Variants in CSMD1 observed in about 807,000 individuals in gnomAD.
CSMD1 encodes the protein CUB and Sushi multiple domains 1, also known as CUB and sushi domain-containing protein 1.
A neutral mutation model predicts 417.5 loss-of-function variants in CSMD1; 213 were observed. That is an observed-to-expected ratio of 0.51 (90% confidence interval 0.46 to 0.57). CSMD1 has a LOEUF of 0.57. CSMD1 is among the 20% of genes least tolerant of loss of function. The pLI, the probability that CSMD1 is intolerant of heterozygous loss-of-function variation, is 0.00. For synonymous variants in CSMD1, 2,862 were observed against 1,736.8 expected, an observed-to-expected ratio of 1.65 and a Z score of -16.11; for missense variants, 6,923 against 4,529.7, an observed-to-expected ratio of 1.53 and a Z score of -15.17.
intron 1 of CSMD1, among the ~76,000 whole-genome samples, chr8:4,883,791 G>A (rs1225397829): frequency 2.0e-5 from 3 of 151,896 alleles, no homozygotes; most frequent in African/African-American, 4.8e-5. Flanking sequence ...GAACATTCAT[G>A]TACACAAAAA....
chr8:4,821,310 T>C (rs1422357226), intron 1 of CSMD1, among the ~76,000 whole-genome samples: 2 of 152,180 alleles, frequency 1.3e-5, no homozygotes, highest in Non-Finnish European at 1.5e-5. Context: ...TATAATCCAA[T>C]CCATTTAAGA....
chr8:4,536,692 A>C (rs557527715), intron 2 of CSMD1, among the ~76,000 whole-genome samples: 1 of 152,298 alleles, frequency 6.6e-6, no homozygotes, highest in East Asian at 1.9e-4. Flanking sequence ...ATTTGTACTA[A>C]TGCCAGAATA....
intron 46 of CSMD1, among the ~76,000 whole-genome samples, chr8:3,100,143 C>T (rs1437412365): frequency 1.3e-5 from 2 of 152,130 alleles, no homozygotes; most frequent in South Asian, 4.1e-4. Flanking sequence ...CCTTGACCTC[C>T]CAGGCTCAAA....
rs796339406 is a variant in CSMD1, at chr8:2,954,315, T to C, written c.9995-47A>G. On this transcript the variant is annotated intron_variant, in intron 64 of 69. Coordinates refer to ENST00000635120, the MANE Select transcript of CSMD1 (RefSeq NM_033225.6). ...ATCATTTTAAAAAAAACATTTATTTTTGAGTAAGTTTGAAAAAATGTCAAA... is the reference window on the plus strand; with the variant it reads ...ATCATTTTAAAAAAAACATTTATTTCTGAGTAAGTTTGAAAAAATGTCAAA... 2.9e-5 allele frequency: 34 copies of C among 1,177,252 alleles called. No homozygotes were observed. In the African/African-American group the frequency reaches 4.4e-4, roughly 15 times the overall value. 72.9% of individuals were successfully genotyped at this position (1,177,252 alleles called of 1,614,324 possible).
At chr8:4,022,612 C>A (rs549112860) in intron 4 of CSMD1, among the ~76,000 whole-genome samples, 13 of 152,134 alleles carry the variant, frequency 8.5e-5, no homozygotes, top group African/African-American at 3.1e-4. Flanking sequence ...TGCTTTGCGA[C>A]AGTCCTAGAA....
chr8:3,275,507 A>T (rs1184364434), intron 26 of CSMD1, among the ~76,000 whole-genome samples: 18 of 152,148 alleles, frequency 1.2e-4, no homozygotes, highest in Non-Finnish European at 2.2e-4. Context: ...TCTCCTGGAT[A>T]ATATCCTGCA....
chr8:3,282,276 G>T (rs1170234781), intron 26 of CSMD1, among the ~76,000 whole-genome samples: 1 of 152,162 alleles, frequency 6.6e-6, no homozygotes, highest in African/African-American at 2.4e-5. Context: ...CTGTGGGGAT[G>T]TTGACAGGGA....
intron 1 of CSMD1, among the ~76,000 whole-genome samples, chr8:4,919,655 A>C (rs946298322): frequency 2.0e-5 from 3 of 152,208 alleles, no homozygotes; most frequent in African/African-American, 7.2e-5. Flanking sequence ...ACTCCAGTAC[A>C]TTGTACTACT....
At chr8:4,117,247 C>T (rs1802207476) in intron 3 of CSMD1, among the ~76,000 whole-genome samples, 1 of 151,726 alleles carries the variant, frequency 6.6e-6, no homozygotes, top group Non-Finnish European at 1.5e-5. Flanking sequence ...GTCTGCTTTC[C>T]TCTCATCTAT....
chr8:4,900,689 G>T (rs917848910), intron 1 of CSMD1, among the ~76,000 whole-genome samples: 3 of 152,162 alleles, frequency 2.0e-5, no homozygotes, highest in Admixed American at 6.5e-5. Context: ...TGCAAATGTT[G>T]CTGGGGGCTT....
chr8:3,776,000 C>G (rs1798867621), intron 5 of CSMD1, among the ~76,000 whole-genome samples: 1 of 152,180 alleles, frequency 6.6e-6, no homozygotes, highest in African/African-American at 2.4e-5. Context: ...AGCTTCAGAC[C>G]CTGATCCAAA....
At chr8:3,814,839 C>G (rs76343814) in intron 5 of CSMD1, among the ~76,000 whole-genome samples, 1 of 152,074 alleles carries the variant, frequency 6.6e-6, no homozygotes, top group Non-Finnish European at 1.5e-5. Context: ...CATGAAGAAG[C>G]GGACTCCTTC....
chr8:4,671,013 A>G (rs1805286891), intron 1 of CSMD1, among the ~76,000 whole-genome samples: 1 of 152,218 alleles, frequency 6.6e-6, no homozygotes, highest in Non-Finnish European at 1.5e-5. Flanking sequence ...GCTTGCCTAC[A>G]TTGGCTGCTG....
At position 4,994,433 on chromosome 8, in the gene CSMD1, C is replaced by T. The variant is rs1479177888; in HGVS notation, c.-17G>A. 6.2e-6 allele frequency: 10 copies of T among 1,606,856 alleles called. No homozygotes were observed. The highest frequency in any genetic ancestry group is 1.3e-5 in the African/African-American group (1 of 74,834). ...CGCAGTCATGTCTGCAGATACTCCA[C>T]ACGCACGCGACACCGATGGCTCCTC... On this transcript the variant is annotated 5_prime_UTR_variant, in exon 1 of 70. The change creates a new upstream start codon in the 5' untranslated region. Coordinates refer to ENST00000635120, the MANE Select transcript of CSMD1 (RefSeq NM_033225.6).
chr8:3,970,745 GT>G lies in CSMD1; in HGVS notation c.818+27157del, dbSNP rs531912222. ...TGCTTAACAGGTGGCATGGCATCTT[GT>G]TTTTTGTTTTTTTGTTTTTGTTTTT... On this transcript the variant is annotated intron_variant, in intron 5 of 69. Coordinates refer to ENST00000635120, the MANE Select transcript of CSMD1 (RefSeq NM_033225.6). Among the ~76,000 whole-genome samples the G allele has an allele frequency of 2.4e-4, 36 of 152,040 alleles. No individual in the cohort carries two copies. The South Asian group carries it at 7.3e-3, about 31-fold the overall frequency.
At chr8:2,994,560 T>C (rs1806707931) in intron 54 of CSMD1, among the ~76,000 whole-genome samples, 1 of 152,194 alleles carries the variant, frequency 6.6e-6, no homozygotes, top group African/African-American at 2.4e-5. Flanking sequence ...CGGATGCTTT[T>C]TGACTAAAAG....
chr8:4,031,898 A>G lies in CSMD1; in HGVS notation c.610+7T>C, dbSNP rs763741616. 2.5e-6 allele frequency: 4 copies of G among 1,610,762 alleles called. No individual in the cohort carries two copies. The highest frequency in any genetic ancestry group is 3.4e-6 in the Non-Finnish European group (4 of 1,178,050). On this transcript the variant is annotated splice_region_variant and intron_variant, in intron 4 of 69. Transcript: ENST00000635120. ...GTCTGCTCACCAGCCCCCTTGTAGC[A>G]CTGTACCTCTGCAAAAGGGAGCTGG...
At chr8:4,906,865 T>G (rs1805316650) in intron 1 of CSMD1, among the ~76,000 whole-genome samples, 1 of 152,330 alleles carries the variant, frequency 6.6e-6, no homozygotes, top group East Asian at 1.9e-4. Flanking sequence ...GCCTTGAGTT[T>G]CTTTTTTCAA....
chr8:4,807,377 C>T (rs1392572882), intron 1 of CSMD1, among the ~76,000 whole-genome samples: 3 of 152,142 alleles, frequency 2.0e-5, no homozygotes, highest in Non-Finnish European at 4.4e-5. Flanking sequence ...CCTGAGCTTC[C>T]CTCACTGCCG....
Sources: gnomAD v4.1 joint callset for allele counts (sites outside exome capture counted in the v4.1 genomes callset) on GRCh38, gnomAD v4.1.1 for gene constraint, MANE v1.5 for transcripts, NCBI Gene and HGNC (gene_info 2026-07-23, HGNC 2026-07-21) for gene names.